The following TET3 variants were observed in gnomAD, a reference collection of about 807,000 sequenced individuals.
The protein encoded by TET3 is methylcytosine dioxygenase TET3.
A neutral mutation model predicts 141.4 loss-of-function variants in TET3; 19 were observed. The ratio of observed to expected loss-of-function variants is 0.13; its 90% CI spans 0.09 to 0.20. TET3 has a LOEUF of 0.20. Ranked by LOEUF, TET3 falls within the 10% of genes least tolerant of loss-of-function variation. The probability of loss-of-function intolerance (pLI) is 1.00; values close to 1 mark genes in which losing one functional copy is unlikely to be tolerated. For synonymous variants in TET3, 1,043 were observed against 980.9 expected, an observed-to-expected ratio of 1.06 and a Z score of -1.18; for missense variants, 1,874 against 2,356.9, an observed-to-expected ratio of 0.80 and a Z score of 4.24.
chr2:74,041,102 A>G (rs1687314435), intron 3 of TET3, among the ~76,000 whole-genome samples: 1 of 152,062 alleles, frequency 6.6e-6, no homozygotes, highest in African/African-American at 2.4e-5. Flanking sequence ...CCGCATCTCC[A>G]TTGATAAGAA....
the TET3 span, among the ~76,000 whole-genome samples, chr2:74,126,370 A>G: frequency 1.3e-4 from 20 of 152,286 alleles, no homozygotes; most frequent in South Asian, 6.2e-4. Flanking sequence ...TTCAGCTCAC[A>G]CTTTCCTAGG....
chr2:74,100,426 G>A lies in TET3; in HGVS notation c.3638G>A (p.Gly1213Asp), dbSNP rs200937244. The A allele has an allele frequency of 5.5e-4, 866 of 1,571,610 alleles. No homozygotes were observed. The highest frequency in any genetic ancestry group is 7.1e-4 in the Non-Finnish European group (824 of 1,158,562). Residue 1213 changes from glycine to aspartate, a missense_variant, in exon 12 of 12, where the codon GGC (glycine) becomes GAC (aspartate). Gly to Asp is a moderately conservative substitution (Grantham distance 94). Transcript: ENST00000409262. ...LSLKGGLSQQ[G>D]LKPSLKVEPQ... Reference sequence around the variant, plus strand: ...CTGAAGGGTGGATTGTCCCAGCAAGGCCTGAAGCCCTCCCTCAAGGTGGAG... The same window carrying A: ...CTGAAGGGTGGATTGTCCCAGCAAGACCTGAAGCCCTCCCTCAAGGTGGAG...
chr2:74,096,872 A>G (rs1055453290), intron 10 of TET3, among the ~76,000 whole-genome samples: 1 of 152,126 alleles, frequency 6.6e-6, no homozygotes, highest in Admixed American at 6.5e-5. Context: ...TGGGAGGCTC[A>G]CTTGAGCCCA....
Position 73,986,826 on chromosome 2 carries a change from C to G in TET3, c.303+120C>G, listed in dbSNP as rs139996122. ...TTCTCTCATTTCTGATCCTCTTGGT[C>G]CAACTTTAAGTAGGAGTGTAACTGA... On this transcript the variant is annotated intron_variant, in intron 2 of 11. Transcript: ENST00000409262. The G allele has an allele frequency of 4.4e-5, 43 of 977,392 alleles. No individual in the cohort carries two copies. In the African/African-American group the frequency reaches 5.4e-4, roughly 12 times the overall value. 60.5% of individuals were successfully genotyped at this position (977,392 alleles called of 1,614,324 possible). A position where few individuals can be genotyped will look rare whatever the true frequency, so the allele number is the denominator to read the frequency against.
At chr2:74,121,129 G>A in the TET3 span, 3 of 152,118 alleles carry the variant, frequency 2.0e-5, no homozygotes, top group East Asian at 1.9e-4. Flanking sequence ...TTAAAAACAC[G>A]TTTTTAAAAG....
intron 6 of TET3, 109 bp downstream of exon 6, chr2:74,080,700 G>GGC (rs1325570216): frequency 3.0e-6 from 1 of 337,664 alleles, no homozygotes; most frequent in African/African-American, 2.8e-5. Context: ...AGGCGAGGGC[G>GGC]GGGGGTGGGG....
chr2:74,029,699 T>C (rs1169250734), intron 3 of TET3, among the ~76,000 whole-genome samples: 3 of 152,250 alleles, frequency 2.0e-5, no homozygotes, highest in Non-Finnish European at 2.9e-5. Context: ...CCTCTTGTTC[T>C]GTCTCTCTCA....
chr2:74,065,754 CTT>C (rs1419987606), intron 4 of TET3, among the ~76,000 whole-genome samples: 2 of 136,020 alleles, frequency 1.5e-5, no homozygotes, highest in African/African-American at 5.5e-5. Context: ...TTCCTCTTCT[CTT>C]CTCTTTTGTT....
intron 7 of TET3, among the ~76,000 whole-genome samples, chr2:74,089,080 C>CAAAAA (rs34315040): frequency 6.6e-5 from 4 of 60,564 alleles, no homozygotes; most frequent in African/African-American, 1.2e-4. Flanking sequence ...GATTCCGTCT[C>CAAAAA]AAAAAAAAAA....
chr2:74,091,241 C>T lies in TET3; in HGVS notation c.3039+1194C>T, dbSNP rs569198139. ...TGTGGTTGCTTCAATGAATGGAGCC[C>T]TGGGGCTACCAGGACCTAAGAACTA... is the stretch of plus-strand genomic sequence containing the variant. On this transcript the variant is annotated intron_variant, in intron 8 of 11. Coordinates refer to ENST00000409262, the MANE Select transcript of TET3 (RefSeq NM_001287491.2). 7.2e-5 allele frequency among the ~76,000 whole-genome samples: 11 copies of T among 152,274 alleles called. No homozygotes were observed. In the South Asian group the frequency reaches 1.9e-3, roughly 26 times the overall value.
Position 74,102,160 on chromosome 2 carries a change from A to C in TET3, c.5372A>C (p.Tyr1791Ser), listed in dbSNP as rs77759984. ...SYAYTKVTGP[Y>S]SRWI ...GCCTACACGAAGGTCACTGGCCCCT[A>C]CAGCCGCTGGATCTAGGTGCCAGGG... Residue 1791 changes from tyrosine to serine, a missense_variant, in exon 12 of 12, where the codon TAC becomes TCC. Coordinates refer to ENST00000409262, the MANE Select transcript of TET3 (RefSeq NM_001287491.2). The C allele has an allele frequency of 6.9e-7, 1 of 1,445,554 alleles. No homozygotes were observed. The highest frequency in any genetic ancestry group is 9.1e-7 in the Non-Finnish European group (1 of 1,097,136). 89.5% of individuals were successfully genotyped at this position (1,445,554 alleles called of 1,614,324 possible).
chr2:74,105,117 A>G lies in TET3; in HGVS notation c.*2941A>G, dbSNP rs1445946866. On this transcript the variant is annotated 3_prime_UTR_variant, in exon 12 of 12. Coordinates refer to ENST00000409262, the MANE Select transcript of TET3 (RefSeq NM_001287491.2). Reference sequence around the variant, plus strand: ...TTTTTACTGGCACTATCATTTTTTAAGTCCTAAAGATGATTAACAGACATT... The same window carrying G: ...TTTTTACTGGCACTATCATTTTTTAGGTCCTAAAGATGATTAACAGACATT... 5.0e-6 allele frequency: 2 copies of G among 398,526 alleles called. No homozygotes were observed. The highest frequency in any genetic ancestry group is 4.1e-5 in the African/African-American group (2 of 48,640). The allele number at this position is 398,526 out of a possible 1,614,324, so 24.7% of individuals were successfully genotyped here.
intron 3 of TET3, among the ~76,000 whole-genome samples, chr2:74,027,431 G>C (rs1434645107): frequency 6.6e-6 from 1 of 150,956 alleles, no homozygotes; most frequent in Non-Finnish European, 1.5e-5. Flanking sequence ...TTTTAGTGTA[G>C]TCAGGATTGT....
At chr2:74,021,337 C>T (rs977495463) in intron 3 of TET3, among the ~76,000 whole-genome samples, 1 of 152,234 alleles carries the variant, frequency 6.6e-6, no homozygotes, top group African/African-American at 2.4e-5. Context: ...GAGCAGAGCG[C>T]ATTCTGGCAG....
chr2:74,047,225 C>A lies in TET3; in HGVS notation c.1308C>A (p.Ala436=). 6.2e-7 allele frequency: 1 copy of A among 1,614,020 alleles called. No homozygotes were observed. The highest frequency in any genetic ancestry group is 1.1e-5 in the South Asian group (1 of 91,084). Residue 436 remains alanine, a synonymous_variant, in exon 4 of 12, where the codon GCC becomes GCA. Coordinates refer to ENST00000409262, the MANE Select transcript of TET3 (RefSeq NM_001287491.2). ...CTCCTAGAACTGAGTTCCCTGAAGC[C>A]TGGGGCACTGACACCCCTCCAGCAA... ...PATPRTEFPE[A]WGTDTPPATP...
Position 74,047,759 on chromosome 2 carries a change from C to T in TET3, c.1842C>T (p.Pro614=), listed in dbSNP as rs771690674. 2 of 1,613,760 alleles carry T rather than the reference C, an allele frequency of 1.2e-6. No individual in the cohort carries two copies. Among genetic ancestry groups the T allele is most frequent in the Non-Finnish European group, 1.7e-6 (2 of 1,179,812 alleles). The change falls in exon 4 of 12, where the codon CCC becomes CCT. Residue 614 remains proline, a synonymous_variant. Transcript: ENST00000409262. ...CCATTCAGATCAAGAAGTCCAGGCC[C>T]CGGGAAGCACAGCCCCTCTTCCCAC... The part of the protein sequence containing the change: ...RKPIQIKKSR[P]REAQPLFPPV...
At position 74,061,175 on chromosome 2, in the gene TET3, C is replaced by T. The variant is rs1447113929; in HGVS notation, c.2495-12374C>T. 9.8e-5 allele frequency among the ~76,000 whole-genome samples: 14 copies of T among 143,340 alleles called. No homozygotes were observed. The East Asian group carries it at 1.8e-3, about 18-fold the overall frequency. 94.0% of individuals were successfully genotyped at this position (143,340 alleles called of 152,430 possible). ...CCCCCCACTTCCCTCCCGGACGGGG[C>T]GGCCGGCCGGGCGGGGGGCTGACCC... On this transcript the variant is annotated intron_variant, in intron 4 of 11. Coordinates refer to ENST00000409262, the MANE Select transcript of TET3 (RefSeq NM_001287491.2).
chr2:74,063,893 C>CAAAAAAAA (rs70965781), intron 4 of TET3, among the ~76,000 whole-genome samples: 12 of 106,204 alleles, frequency 1.1e-4, no homozygotes, highest in African/African-American at 3.6e-4. Flanking sequence ...TCTCTGCAGA[C>CAAAAAAAA]AAAAAAAAAA....
chr2:74,038,125 CT>C (rs1365190140), intron 3 of TET3, among the ~76,000 whole-genome samples: 1 of 152,168 alleles, frequency 6.6e-6, no homozygotes, highest in African/African-American at 2.4e-5. Context: ...GGCAGGGGAC[CT>C]TGTGAGCTAG....
Sources: gnomAD v4.1 joint callset for allele counts (sites outside exome capture counted in the v4.1 genomes callset) on GRCh38, gnomAD v4.1.1 for gene constraint, MANE v1.5 for transcripts, NCBI Gene and HGNC (gene_info 2026-07-23, HGNC 2026-07-21) for gene names.